The following ARHGAP24 variants were observed in gnomAD, a reference collection of about 807,000 sequenced individuals.
ARHGAP24 encodes the protein rho GTPase-activating protein 24.
ARHGAP24 carries 50 observed loss-of-function variants against 76.4 expected under a neutral mutation model. The observed-to-expected ratio is 0.65, with a 90% CI of 0.52 to 0.83. The LOEUF (loss-of-function observed/expected upper bound fraction) is 0.83, where lower values mean the gene tolerates loss of function less well. Ranked by LOEUF, ARHGAP24 falls within the 40% of genes least tolerant of loss-of-function variation. The pLI is 0.00. For synonymous variants in ARHGAP24, 345 were observed against 323.3 expected (o/e 1.07, Z -0.72); for missense variants, 930 against 914.2 (o/e 1.02, Z -0.22).
At chr4:85,923,839 G>A (rs1321275516) in intron 4 of ARHGAP24, 69 bp downstream of exon 4, 2 of 1,604,730 alleles carry the variant, frequency 1.2e-6, no homozygotes, top group South Asian at 1.1e-5. Flanking sequence ...TTCCCCCAGC[G>A]AATGTTACTA....
chr4:85,899,930 G>T (rs1367415550), intron 3 of ARHGAP24, among the ~76,000 whole-genome samples: 1 of 152,136 alleles, frequency 6.6e-6, no homozygotes, highest in Non-Finnish European at 1.5e-5. Context: ...AATACAAAAT[G>T]TGATGAAGCT....
At chr4:85,702,166 C>A (rs568878708) in intron 2 of ARHGAP24, among the ~76,000 whole-genome samples, 1 of 152,252 alleles carries the variant, frequency 6.6e-6, no homozygotes, top group South Asian at 2.1e-4. Flanking sequence ...TAAAGCTTCT[C>A]TCTTTATGAC....
intron 1 of ARHGAP24, among the ~76,000 whole-genome samples, chr4:85,498,971 A>T (rs1723688905): frequency 6.6e-6 from 1 of 152,340 alleles, no homozygotes; most frequent in South Asian, 2.1e-4. Context: ...ATTTCACTGT[A>T]TAAACTAGTG....
chr4:85,991,791 A>G (rs1268826300), intron 8 of ARHGAP24: 3 of 190,416 alleles, frequency 1.6e-5, no homozygotes, highest in Non-Finnish European at 3.2e-5. Flanking sequence ...GTCAAAAATC[A>G]TCAGGTGTCT....
chr4:85,865,230 T>C (rs1483735046), intron 3 of ARHGAP24, among the ~76,000 whole-genome samples: 1 of 152,024 alleles, frequency 6.6e-6, no homozygotes, highest in African/African-American at 2.4e-5. Context: ...AAAAACTTTT[T>C]TAGCTACTTC....
chr4:85,673,692 A>T (rs1453461804), intron 2 of ARHGAP24, among the ~76,000 whole-genome samples: 2 of 145,066 alleles, frequency 1.4e-5, no homozygotes, highest in Non-Finnish European at 3.1e-5. Context: ...TGGTAAAGTG[A>T]AACACCAGTG....
intron 2 of ARHGAP24, among the ~76,000 whole-genome samples, chr4:85,590,208 TCC>T (rs1728032811): frequency 1.3e-5 from 1 of 74,184 alleles, no homozygotes; most frequent in East Asian, 3.8e-3. Context: ...CTTCCTTCCT[TCC>T]TTCCTTCCTT....
intron 3 of ARHGAP24, among the ~76,000 whole-genome samples, chr4:85,849,421 T>C (rs1731088955): frequency 6.6e-6 from 1 of 152,216 alleles, no homozygotes; most frequent in African/African-American, 2.4e-5. Context: ...CCTCCTTTCC[T>C]AATCGAATAG....
intron 1 of ARHGAP24, among the ~76,000 whole-genome samples, chr4:85,506,885 T>A (rs1724076206): frequency 4.0e-5 from 2 of 49,834 alleles, no homozygotes; most frequent in South Asian, 2.4e-3. Flanking sequence ...TGGAATGGGA[T>A]CTAAGCCTTT....
At chr4:85,973,833 G>GTTGT (rs1739136996) in intron 6 of ARHGAP24, among the ~76,000 whole-genome samples, 1 of 42,824 alleles carries the variant, frequency 2.3e-5, no homozygotes, top group African/African-American at 1.0e-4. Context: ...GCTGCCTATT[G>GTTGT]TTTTTTTTTT....
intron 1 of ARHGAP24, among the ~76,000 whole-genome samples, chr4:85,532,751 A>G (rs1196570481): frequency 6.6e-6 from 1 of 152,186 alleles, no homozygotes; most frequent in Non-Finnish European, 1.5e-5. Context: ...TTGCTGCATG[A>G]AAACAAACTC....
rs114320971 is a variant in ARHGAP24, at chr4:85,684,961, G to A, written c.181-36924G>A. Among the ~76,000 whole-genome samples the A allele has an allele frequency of 3.7e-3, 565 of 152,172 alleles. 6 individuals are homozygous for A. The highest frequency in any genetic ancestry group is 0.013 in the African/African-American group (526 of 41,506). On this transcript the variant is annotated intron_variant, in intron 2 of 9. Coordinates refer to ENST00000395184, the MANE Select transcript of ARHGAP24 (RefSeq NM_001025616.3). Reference sequence around the variant, plus strand: ...TACTGCTTAACTGGGGCAGTGTTTCGGATATGCTATTTGTCCAGAGGCAAT... The same window carrying A: ...TACTGCTTAACTGGGGCAGTGTTTCAGATATGCTATTTGTCCAGAGGCAAT...
chr4:85,610,992 T>C (rs554981707), intron 2 of ARHGAP24, among the ~76,000 whole-genome samples: 1 of 152,300 alleles, frequency 6.6e-6, no homozygotes, highest in East Asian at 1.9e-4. Context: ...AGAGAGGATG[T>C]TTATTGTTAA....
At chr4:85,497,372 T>C (rs527269344) in intron 1 of ARHGAP24, among the ~76,000 whole-genome samples, 1 of 152,366 alleles carries the variant, frequency 6.6e-6, no homozygotes, top group African/African-American at 2.4e-5. Context: ...AAATAATACT[T>C]ATTTCTCAGA....
intron 1 of ARHGAP24, among the ~76,000 whole-genome samples, chr4:85,487,467 T>G: frequency 9.2e-6 from 1 of 108,868 alleles, no homozygotes; most frequent in Non-Finnish European, 1.6e-5. Context: ...TATAAACATA[T>G]ATTTATTACA....
chr4:85,846,937 G>T (rs2110156016), intron 3 of ARHGAP24, among the ~76,000 whole-genome samples: 1 of 152,284 alleles, frequency 6.6e-6, no homozygotes, highest in South Asian at 2.1e-4. Flanking sequence ...ACAAAGACTA[G>T]AGTATAATTC....
rs144149004 is a variant in ARHGAP24 at position 85,766,939 on chromosome 4, C to T, written c.268+44967C>T. ...TACTGTTCCCATAAGATTATAATAC[C>T]GTATTTTTACTATGTCTTTTCAATG... On this transcript the variant is annotated intron_variant, in intron 3 of 9. Coordinates refer to ENST00000395184, the MANE Select transcript of ARHGAP24 (RefSeq NM_001025616.3). Among the ~76,000 whole-genome samples the T allele has an allele frequency of 3.3e-3, 495 of 152,192 alleles. 2 individuals are homozygous for T. The highest frequency in any genetic ancestry group is 0.011 in the African/African-American group (467 of 41,546).
intron 6 of ARHGAP24, among the ~76,000 whole-genome samples, chr4:85,973,833 G>GGTTTT: frequency 2.3e-5 from 1 of 42,820 alleles, no homozygotes; most frequent in Middle Eastern, 0.019. Context: ...GCTGCCTATT[G>GGTTTT]TTTTTTTTTT....
At chr4:85,797,183 T>C (rs1236206590) in intron 3 of ARHGAP24, among the ~76,000 whole-genome samples, 1 of 152,074 alleles carries the variant, frequency 6.6e-6, no homozygotes. Context: ...GTTTTTGTTT[T>C]TGTTTTTTGA....
Sources: allele counts gnomAD v4.1 joint callset (sites outside exome capture counted in the v4.1 genomes callset), GRCh38; gene constraint gnomAD v4.1.1; transcripts MANE v1.5; gene names NCBI Gene and HGNC (gene_info 2026-07-23, HGNC 2026-07-21).